CADM2: variants seen among roughly 807,000 people sequenced by gnomAD.
CADM2 encodes immunoglobulin superfamily member 4D.
CADM2 carries 12 observed loss-of-function variants against 49.8 expected under a neutral mutation model. The observed-to-expected ratio is 0.24, with a 90% CI of 0.15 to 0.39. CADM2 has a LOEUF of 0.39. Ranked by LOEUF, CADM2 falls within the 10% of genes least tolerant of loss-of-function variation. The pLI is 1.00. For missense variants in CADM2, 378 were observed against 492.3 expected (o/e 0.77, Z 2.20); for synonymous variants, 214 against 175.4 (o/e 1.22, Z -1.74).
chr3:85,723,443 T>A (rs1304609988), intron 1 of CADM2, among the ~76,000 whole-genome samples: 1 of 152,142 alleles, frequency 6.6e-6, no homozygotes, highest in Non-Finnish European at 1.5e-5. Context: ...ATCTTACAAG[T>A]ATTGAACATG....
chr3:85,300,313 C>T (rs973478575), intron 1 of CADM2, among the ~76,000 whole-genome samples: 11 of 152,078 alleles, frequency 7.2e-5, no homozygotes, highest in Admixed American at 2.6e-4. Flanking sequence ...ACATAATACC[C>T]TGTTCGTAAG....
intron 5 of CADM2, among the ~76,000 whole-genome samples, chr3:85,894,441 A>G (rs1022486869): frequency 6.6e-6 from 1 of 152,156 alleles, no homozygotes; most frequent in Non-Finnish European, 1.5e-5. Context: ...GCACATGTAT[A>G]CATATGTAAC....
chr3:85,520,390 C>A (rs990296422), intron 1 of CADM2, among the ~76,000 whole-genome samples: 10 of 151,816 alleles, frequency 6.6e-5, no homozygotes, highest in African/African-American at 1.9e-4. Context: ...TTGATTTCTG[C>A]ATATATATCT....
intron 2 of CADM2, among the ~76,000 whole-genome samples, chr3:85,784,955 C>A (rs185954316): frequency 2.2e-4 from 33 of 152,196 alleles, no homozygotes; most frequent in African/African-American, 7.7e-4. Context: ...AGGCTTCTAT[C>A]TTGTTACTTT....
chr3:85,447,260 A>G (rs2037513361), intron 1 of CADM2, among the ~76,000 whole-genome samples: 1 of 151,738 alleles, frequency 6.6e-6, no homozygotes, highest in African/African-American at 2.4e-5. Context: ...CAGTGGATAT[A>G]TGGAATGTGA....
chr3:85,561,854 G>A (rs2107181986), intron 1 of CADM2, among the ~76,000 whole-genome samples: 1 of 152,192 alleles, frequency 6.6e-6, no homozygotes, highest in Admixed American at 6.5e-5. Flanking sequence ...TAAATGCTTT[G>A]CCTCTGCTTA....
chr3:85,854,166 A>C (rs1056272269), intron 3 of CADM2, among the ~76,000 whole-genome samples: 15 of 152,208 alleles, frequency 9.9e-5, no homozygotes, highest in African/African-American at 3.6e-4. Flanking sequence ...GCCATTCAGT[A>C]AGTAGATAGC....
rs113891402 is a variant in CADM2, at chr3:85,509,466, C to T, written c.62-217056C>T. Among the ~76,000 whole-genome samples, 497 of 152,106 alleles carry T rather than the reference C, an allele frequency of 3.3e-3. 3 individuals carry two copies. Among genetic ancestry groups the T allele is most frequent in the African/African-American group, 0.011 (437 of 41,492 alleles). ...AAATTGATATACTATTTAGCTTTCT[C>T]CAGTGACTGCATTTCAGAAAAATAG... On this transcript the variant is annotated intron_variant, in intron 1 of 9. Transcript: ENST00000383699.
chr3:85,719,819 A>G (rs975571399), intron 1 of CADM2, among the ~76,000 whole-genome samples: 1 of 152,208 alleles, frequency 6.6e-6, no homozygotes. Context: ...AAACATGTTA[A>G]CAGTTTTTTA....
At chr3:85,594,077 TA>T (rs1559931751) in intron 1 of CADM2, among the ~76,000 whole-genome samples, 1 of 152,028 alleles carries the variant, frequency 6.6e-6, no homozygotes, top group African/African-American at 2.4e-5. Flanking sequence ...TTTGCTGATG[TA>T]AATTCTTAAA....
At chr3:85,732,049 A>G (rs939333193) in intron 2 of CADM2, among the ~76,000 whole-genome samples, 23 of 147,368 alleles carry the variant, frequency 1.6e-4, no homozygotes, top group Admixed American at 6.9e-4. Flanking sequence ...TGAGATCAAG[A>G]CCAGGCTGGC....
At chr3:85,519,402 C>T (rs759376297) in intron 1 of CADM2, among the ~76,000 whole-genome samples, 1 of 151,966 alleles carries the variant, frequency 6.6e-6, no homozygotes, top group Non-Finnish European at 1.5e-5. Flanking sequence ...TTATTCTCAG[C>T]CAATTACTTA....
intron 2 of CADM2, among the ~76,000 whole-genome samples, chr3:85,763,227 A>T (rs1256141559): frequency 6.6e-6 from 1 of 152,182 alleles, no homozygotes; most frequent in Non-Finnish European, 1.5e-5. Flanking sequence ...TATATATAAA[A>T]AGAAACTACT....
At chr3:85,918,636 C>G (rs1046034254) in intron 6 of CADM2, among the ~76,000 whole-genome samples, 5 of 151,996 alleles carry the variant, frequency 3.3e-5, no homozygotes, top group Non-Finnish European at 7.4e-5. Context: ...GTGTCTCTGC[C>G]AGGCAGAAAG....
At chr3:85,853,326 A>G (rs959070163) in intron 3 of CADM2, among the ~76,000 whole-genome samples, 2 of 151,548 alleles carry the variant, frequency 1.3e-5, no homozygotes, top group Non-Finnish European at 2.9e-5. Flanking sequence ...CAACACAAAT[A>G]GAAGAAGAAG....
Position 85,883,364 on chromosome 3 carries a change from T to C in CADM2, c.312T>C (p.Ser104=). The change falls in exon 4 of 10, where the codon TCT becomes TCC. Residue 104 remains serine (S), a synonymous_variant. Transcript: ENST00000383699. ...TGAGTATTAGTGTCAGTGATGTGTC[T>C]CTCTCTGATGAAGGACAGTACACCT... ...HELSISVSDV[S]LSDEGQYTCS... 6.8e-6 allele frequency: 11 copies of C among 1,613,526 alleles called. No homozygotes were observed. Among genetic ancestry groups the C allele is most frequent in the Middle Eastern group, 1.6e-4 (1 of 6,062 alleles).
chr3:86,023,803 T>C (rs1358053013), intron 8 of CADM2, among the ~76,000 whole-genome samples: 2 of 152,212 alleles, frequency 1.3e-5, no homozygotes, highest in East Asian at 3.9e-4. Flanking sequence ...AGCTTCTTTT[T>C]AGACTGCCAA....
At chr3:85,981,160 G>GTA (rs982339648) in intron 8 of CADM2, among the ~76,000 whole-genome samples, 24 of 150,450 alleles carry the variant, frequency 1.6e-4, no homozygotes, top group Admixed American at 2.7e-4. Context: ...CTATATATAT[G>GTA]TATATATATA....
At chr3:85,915,416 A>G (rs2108488816) in intron 6 of CADM2, among the ~76,000 whole-genome samples, 1 of 152,264 alleles carries the variant, frequency 6.6e-6, no homozygotes, top group East Asian at 1.9e-4. Context: ...AAGTTAATTA[A>G]AACTAACTGA....
Sources: allele counts gnomAD v4.1 joint callset (sites outside exome capture counted in the v4.1 genomes callset), GRCh38; gene constraint gnomAD v4.1.1; transcripts MANE v1.5; gene names NCBI Gene and HGNC (gene_info 2026-07-23, HGNC 2026-07-21).